ADAP2: variants seen among roughly 807,000 people sequenced by gnomAD.
ADAP2 encodes ArfGAP with dual PH domains 2, also known as arf-GAP with dual PH domain-containing protein 2.
ADAP2 carries 42 observed loss-of-function variants against 54.9 expected under a neutral mutation model. That is an observed-to-expected ratio of 0.77 (90% confidence interval 0.60 to 0.99). ADAP2 has a LOEUF of 0.99. Ranked by LOEUF, ADAP2 falls within the 50% of genes least tolerant of loss-of-function variation. The pLI is 0.00. For missense variants in ADAP2, 429 were observed against 480.4 expected (o/e 0.89, Z 1.00); for synonymous variants, 177 against 180.1 (o/e 0.98, Z 0.14).
intron 3 of ADAP2, among the ~76,000 whole-genome samples, chr17:30,930,951 G>C (rs1256164473): frequency 6.6e-6 from 1 of 152,206 alleles, no homozygotes; most frequent in Non-Finnish European, 1.5e-5. Context: ...GGCTAAGTGA[G>C]TATAACAATA....
intron 9 of ADAP2, among the ~76,000 whole-genome samples, chr17:30,955,584 G>A (rs1278692206): frequency 4.6e-5 from 7 of 151,912 alleles, no homozygotes; most frequent in African/African-American, 1.7e-4. Context: ...GTGCGTGCCT[G>A]TAAGCCCAGC....
intron 5 of ADAP2, among the ~76,000 whole-genome samples, chr17:30,938,027 G>A (rs931607618): frequency 6.6e-6 from 1 of 152,198 alleles, no homozygotes; most frequent in Admixed American, 6.5e-5. Context: ...TTAGTAATGG[G>A]ACTGGCTAGG....
chr17:30,932,070 C>G (rs1399340915), intron 4 of ADAP2, 102 bp downstream of exon 4: 1 of 1,078,328 alleles, frequency 9.3e-7, no homozygotes, highest in Non-Finnish European at 1.4e-6. Flanking sequence ...GAGATGCCTG[C>G]TGTTCTCACT....
rs1161544862 is a variant in ADAP2, at chr17:30,934,070, A to G, written c.398-115A>G. ...CTGAAATAGGGAAGTCTGAGTGGAG[A>G]TACTTTGGCAGCAGATGGAAGGCTT... On this transcript the variant is annotated intron_variant, in intron 4 of 10. Coordinates refer to ENST00000330889, the MANE Select transcript of ADAP2 (RefSeq NM_018404.3). 1.7e-5 allele frequency: 12 copies of G among 694,232 alleles called. No individual in the cohort carries two copies. In the Admixed American group the frequency reaches 3.3e-4, roughly 19 times the overall value. 43.0% of individuals were successfully genotyped at this position (694,232 alleles called of 1,614,324 possible).
chr17:30,952,902 T>C (rs1166578722), intron 7 of ADAP2, among the ~76,000 whole-genome samples: 1 of 152,146 alleles, frequency 6.6e-6, no homozygotes, highest in African/African-American at 2.4e-5. Context: ...TCTTCAGATG[T>C]GTAATGAGGC....
intron 2 of ADAP2, among the ~76,000 whole-genome samples, chr17:30,925,015 G>A (rs149797794): frequency 9.9e-4 from 150 of 151,554 alleles, no homozygotes; most frequent in African/African-American, 3.5e-3. Flanking sequence ...TAGGATTACA[G>A]GCATGCACCA....
intron 2 of ADAP2, among the ~76,000 whole-genome samples, chr17:30,924,820 G>A (rs1054937592): frequency 6.6e-6 from 1 of 151,870 alleles, no homozygotes; most frequent in African/African-American, 2.4e-5. Context: ...TAAACCTGAA[G>A]GATTTTATTT....
In ADAP2 at chr17:30,935,918, G is replaced by C. The variant is rs1014062977; in HGVS notation, c.510+1621G>C. Among the ~76,000 whole-genome samples, 4 of 152,244 alleles carry C rather than the reference G, an allele frequency of 2.6e-5. No homozygotes were observed. The East Asian group carries it at 7.7e-4, about 29-fold the overall frequency. ...GGATTTCTTTTGGTAACAGTTTATT[G>C]AGATACAATTCACATACCATATAAT... is the stretch of plus-strand genomic sequence containing the variant. On this transcript the variant is annotated intron_variant, in intron 5 of 10. Transcript: ENST00000330889.
intron 5 of ADAP2, among the ~76,000 whole-genome samples, chr17:30,942,010 A>G (rs999611912): frequency 6.6e-6 from 1 of 151,734 alleles, no homozygotes; most frequent in Admixed American, 6.6e-5. Context: ...GGGTCAAGCG[A>G]TTCTCCTTCC....
At chr17:30,936,579 T>A (rs1911899828) in intron 5 of ADAP2, among the ~76,000 whole-genome samples, 1 of 151,980 alleles carries the variant, frequency 6.6e-6, no homozygotes, top group African/African-American at 2.4e-5. Flanking sequence ...AATGTGCTTA[T>A]TGGCCATTTG....
At chr17:30,944,215 G>C (rs1168422524) in intron 5 of ADAP2, among the ~76,000 whole-genome samples, 3 of 152,096 alleles carry the variant, frequency 2.0e-5, no homozygotes, top group Non-Finnish European at 4.4e-5. Context: ...AAAAGAATGA[G>C]ATCATGTTCT....
intron 6 of ADAP2, among the ~76,000 whole-genome samples, chr17:30,948,162 CAA>C (rs1361851673): frequency 6.6e-6 from 1 of 152,124 alleles, no homozygotes; most frequent in East Asian, 1.9e-4. Context: ...GGGAGAATTG[CAA>C]ATAGTTTTGC....
intron 1 of ADAP2, 45 bp downstream of exon 1, chr17:30,922,153 C>A (rs1249999015): frequency 4.2e-6 from 5 of 1,194,130 alleles, no homozygotes; most frequent in African/African-American, 3.2e-5. Flanking sequence ...CCGGCCGGAC[C>A]CCAGGCCCAC....
rs199959488 is a variant in ADAP2 at position 30,923,086 on chromosome 17, C to A, written c.225+16C>A. Reference sequence around the variant, plus strand: ...TATTGTGGAGGTAGAAAGGCATGCCCGTGGAGAGCCATGGAACTGCGGGAC... The same window carrying A: ...TATTGTGGAGGTAGAAAGGCATGCCAGTGGAGAGCCATGGAACTGCGGGAC... On this transcript the variant is annotated intron_variant, in intron 2 of 10. Transcript: ENST00000330889. 1.2e-6 allele frequency: 2 copies of A among 1,612,624 alleles called. No individual in the cohort carries two copies. Among genetic ancestry groups the A allele is most frequent in the Admixed American group, 1.7e-5 (1 of 59,932 alleles).
chr17:30,928,806 C>A (rs1911262945), intron 3 of ADAP2, among the ~76,000 whole-genome samples: 1 of 152,146 alleles, frequency 6.6e-6, no homozygotes, highest in African/African-American at 2.4e-5. Context: ...TGGACCTCTG[C>A]AGATCTGACT....
intron 2 of ADAP2, among the ~76,000 whole-genome samples, chr17:30,923,982 G>A (rs1046967289): frequency 3.9e-5 from 6 of 152,114 alleles, no homozygotes; most frequent in Admixed American, 1.3e-4. Context: ...GGGATTACAG[G>A]CGTGGGCCAC....
At chr17:30,946,515 G>C (rs958324992) in intron 6 of ADAP2, among the ~76,000 whole-genome samples, 1 of 152,066 alleles carries the variant, frequency 6.6e-6, no homozygotes, top group Non-Finnish European at 1.5e-5. Context: ...TACTGCGCCC[G>C]GCTGAGAAGC....
intron 3 of ADAP2, among the ~76,000 whole-genome samples, chr17:30,929,395 G>A (rs979519804): frequency 3.3e-5 from 5 of 152,086 alleles, no homozygotes; most frequent in Non-Finnish European, 5.9e-5. Context: ...ATCCTGGCTC[G>A]CTGCTGCCAC....
At chr17:30,944,838 C>A in intron 5 of ADAP2, 69 bp from the exon 6 acceptor site, 1 of 1,499,618 alleles carries the variant, frequency 6.7e-7, no homozygotes, top group Non-Finnish European at 9.1e-7. Context: ...GCATGAAGGC[C>A]TTGGTGAAGG....
Sources: gnomAD v4.1 joint callset for allele counts (sites outside exome capture counted in the v4.1 genomes callset) on GRCh38, gnomAD v4.1.1 for gene constraint, MANE v1.5 for transcripts, NCBI Gene and HGNC (gene_info 2026-07-23, HGNC 2026-07-21) for gene names.